Variants in ART3 observed in about 807,000 individuals in gnomAD.
The protein encoded by ART3 is ADP-ribosyltransferase 3 (inactive).
In ART3, 49 loss-of-function variants were observed where a neutral mutation model predicts 48.5. That is an observed-to-expected ratio of 1.01 (90% CI 0.80 to 1.28). The LOEUF (loss-of-function observed/expected upper bound fraction) is 1.28. ART3 is among the 50% of genes most tolerant of loss of function. The pLI is 0.00. For synonymous variants in ART3, 145 were observed against 157.2 expected (o/e 0.92, Z 0.58); for missense variants, 438 against 454.3 (o/e 0.96, Z 0.33).
chr4:76,107,831 G>GCTT (rs1560661243), intron 11 of ART3, 38 bp downstream of exon 11: 9 of 1,442,700 alleles, frequency 6.2e-6, no homozygotes, highest in Non-Finnish European at 7.5e-6. Flanking sequence ...ATAAATGCCT[G>GCTT]CTTCTGTAAT....
intron 9 of ART3, 48 bp from the exon 10 acceptor site, chr4:76,104,549 A>G (rs1008996912): frequency 9.7e-6 from 15 of 1,551,314 alleles, no homozygotes; most frequent in Non-Finnish European, 1.3e-5. Context: ...TGAAAATTAT[A>G]CTCAGTGGAG....
chr4:76,037,487 T>C (rs74918920), intron 1 of ART3, among the ~76,000 whole-genome samples: 6,666 of 152,154 alleles, frequency 0.044, 494 homozygotes, highest in African/African-American at 0.15. Context: ...TTTTTTTTAA[T>C]GAGATGGGTC....
intron 3 of ART3, among the ~76,000 whole-genome samples, chr4:76,095,372 G>T (rs774926874): frequency 6.6e-6 from 1 of 152,174 alleles, no homozygotes; most frequent in African/African-American, 2.4e-5. Context: ...GCTGGATGTG[G>T]TGGTGGGTGC....
At chr4:76,109,457 C>T (rs1415726780) in intron 11 of ART3, among the ~76,000 whole-genome samples, 1 of 152,064 alleles carries the variant, frequency 6.6e-6, no homozygotes, top group Non-Finnish European at 1.5e-5. Flanking sequence ...CTGCCTCAGG[C>T]TGTTTTATAG....
intron 3 of ART3, among the ~76,000 whole-genome samples, chr4:76,087,693 T>G (rs562650032): frequency 6.6e-6 from 1 of 152,192 alleles, no homozygotes; most frequent in African/African-American, 2.4e-5. Flanking sequence ...CTGAAAACTT[T>G]GTTCGTTAGG....
intron 8 of ART3, among the ~76,000 whole-genome samples, chr4:76,103,375 A>G (rs1727762857): frequency 6.6e-6 from 1 of 152,088 alleles, no homozygotes; most frequent in African/African-American, 2.4e-5. Flanking sequence ...AAAAAGAAAA[A>G]AAAATATTAC....
intron 1 of ART3, among the ~76,000 whole-genome samples, chr4:76,055,372 C>T (rs1206799287): frequency 1.3e-5 from 2 of 152,114 alleles, no homozygotes; most frequent in Non-Finnish European, 2.9e-5. Flanking sequence ...TCTCACTAGT[C>T]CTCACAATAA....
chr4:76,043,587 G>A (rs1409635986), intron 1 of ART3, among the ~76,000 whole-genome samples: 1 of 152,104 alleles, frequency 6.6e-6, no homozygotes, highest in Admixed American at 6.5e-5. Flanking sequence ...CGAGTGCGGG[G>A]CCCACCAAGC....
intron 1 of ART3, among the ~76,000 whole-genome samples, chr4:76,029,101 C>A (rs1037086339): frequency 1.3e-5 from 2 of 152,084 alleles, no homozygotes; most frequent in South Asian, 4.1e-4. Context: ...TAATCAAAAT[C>A]TTTAGAAAAT....
rs1039117998 is a variant in ART3, at chr4:76,082,481, A to G, written c.727A>G (p.Ile243Val). ...ACAGGAGGGGGCTGGCAATAACCTT[A>G]TCCTTCAAAGCATAAACAAGACCTG... ...VSQEGAGNNL[I>V]LQSINKTCSH... The change falls in exon 3 of 12, where the codon ATC (isoleucine) becomes GTC (valine). Residue 243 changes from isoleucine (I) to valine (V), a missense_variant. Physicochemically the swap from Ile to Val is conservative, Grantham distance 29. Transcript: ENST00000355810. 15 of 1,610,494 alleles carry G rather than the reference A, an allele frequency of 9.3e-6. No homozygotes were observed. The highest frequency in any genetic ancestry group is 1.3e-5 in the Non-Finnish European group (15 of 1,178,580).
intron 1 of ART3, among the ~76,000 whole-genome samples, chr4:76,017,287 G>A (rs74915986): frequency 0.015 from 2,263 of 151,760 alleles, 57 homozygotes; most frequent in African/African-American, 0.053. Flanking sequence ...CAGTCAGCAG[G>A]TGATGAATCC....
chr4:76,073,887 T>C (rs183568475), upstream of ART3, among the ~76,000 whole-genome samples: 429 of 152,352 alleles, frequency 2.8e-3, 1 homozygote, highest in Non-Finnish European at 5.2e-3. Flanking sequence ...AGTTTGTTCG[T>C]TTTCATTGCT....
chr4:76,020,259 T>TA (rs1478797026), intron 1 of ART3, among the ~76,000 whole-genome samples: 6 of 152,020 alleles, frequency 3.9e-5, no homozygotes, highest in African/African-American at 1.2e-4. Context: ...CCTGAGTAGC[T>TA]AAAAAAATAT....
At chr4:76,029,196 T>G (rs1049725110) in intron 1 of ART3, among the ~76,000 whole-genome samples, 2 of 152,248 alleles carry the variant, frequency 1.3e-5, no homozygotes, top group African/African-American at 4.8e-5. Context: ...AGTTCAGTAG[T>G]GCCTGTTATT....
At chr4:76,059,359 C>CG (rs1185068400) in intron 1 of ART3, among the ~76,000 whole-genome samples, 35 of 92,126 alleles carry the variant, frequency 3.8e-4, no homozygotes, top group Admixed American at 2.6e-3. Context: ...GTTATTTTCT[C>CG]TTGTTTTTTT....
chr4:76,053,747 C>A (rs1736356206), intron 1 of ART3, among the ~76,000 whole-genome samples: 1 of 152,210 alleles, frequency 6.6e-6, no homozygotes, highest in Non-Finnish European at 1.5e-5. Context: ...ATTGAATAGA[C>A]TAACCCTCTT....
intron 1 of ART3, among the ~76,000 whole-genome samples, chr4:76,016,434 C>T (rs1732262971): frequency 6.6e-6 from 1 of 152,180 alleles, no homozygotes; most frequent in African/African-American, 2.4e-5. Context: ...GTCTCTCTCT[C>T]TGTGCTGAGC....
At chr4:76,074,612 G>A (rs1451595024), upstream of ART3, 1 of 152,118 alleles carries the variant, frequency 6.6e-6, no homozygotes, top group African/African-American at 2.4e-5. Context: ...TAGTGTGGGG[G>A]GGCCAGATAT....
In ART3 at chr4:76,105,962, G is replaced by A. The variant is rs574765957; in HGVS notation, c.1003+1333G>A. On this transcript the variant is annotated intron_variant, in intron 10 of 11. Transcript: ENST00000355810. ...GTGCTCCTCACCACACTCTACAATCGTCCAGTAGGCCACTAGATTTTGTTG... is the reference window on the plus strand; with the variant it reads ...GTGCTCCTCACCACACTCTACAATCATCCAGTAGGCCACTAGATTTTGTTG... The A allele has an allele frequency of 1.3e-5, 13 of 984,754 alleles. No homozygotes were observed. The South Asian group carries it at 4.2e-4, about 32-fold the overall frequency. 61.0% of individuals were successfully genotyped at this position (984,754 alleles called of 1,614,324 possible).
Sources: gnomAD v4.1 joint callset for allele counts (sites outside exome capture counted in the v4.1 genomes callset) on GRCh38, gnomAD v4.1.1 for gene constraint, MANE v1.5 for transcripts, NCBI Gene and HGNC (gene_info 2026-07-23, HGNC 2026-07-21) for gene names.